The following THSD7B variants were observed in gnomAD, a reference collection of about 807,000 sequenced individuals.
THSD7B encodes thrombospondin type-1 domain-containing protein 7B.
In THSD7B, 138 loss-of-function variants were observed where a neutral mutation model predicts 213.6. The ratio of observed to expected loss-of-function variants is 0.65; its 90% CI spans 0.56 to 0.74. THSD7B has a LOEUF of 0.74. THSD7B is among the 30% of genes least tolerant of loss of function. THSD7B has a pLI of 0.00. For missense variants in THSD7B, 1,931 were observed against 1,991.5 expected (o/e 0.97, Z 0.58); for synonymous variants, 742 against 687.0 (o/e 1.08, Z -1.25).
At chr2:136,794,321 T>C (rs1276545582) in intron 1 of THSD7B, among the ~76,000 whole-genome samples, 1 of 151,814 alleles carries the variant, frequency 6.6e-6, no homozygotes, top group Non-Finnish European at 1.5e-5. Flanking sequence ...ACCTTTATAC[T>C]TTTCTAATAT....
intron 2 of THSD7B, among the ~76,000 whole-genome samples, chr2:137,033,189 G>T (rs540913432): frequency 6.6e-6 from 1 of 152,172 alleles, no homozygotes; most frequent in Non-Finnish European, 1.5e-5. Context: ...AGGTGGTTCT[G>T]CTGATACTGG....
At chr2:137,551,560 G>A (rs958614705) in intron 15 of THSD7B, among the ~76,000 whole-genome samples, 14 of 152,124 alleles carry the variant, frequency 9.2e-5, no homozygotes, top group Admixed American at 8.5e-4. Context: ...GTTCTTAGGC[G>A]AAGGGGAATG....
rs143449326 is a variant in THSD7B at position 137,452,578 on chromosome 2, C to G, written c.3138+1555C>G. Among the ~76,000 whole-genome samples the G allele has an allele frequency of 4.2e-3, 643 of 152,236 alleles. 6 individuals carry two copies. The highest frequency in any genetic ancestry group is 0.015 in the African/African-American group (607 of 41,556). ...ATGATAATTCTTTTTGTATCTTCCTCAAAACCGTCAATGAAAGCTAAGCCT... is the reference window on the plus strand; with the variant it reads ...ATGATAATTCTTTTTGTATCTTCCTGAAAACCGTCAATGAAAGCTAAGCCT... On this transcript the variant is annotated intron_variant, in intron 15 of 27. Transcript: ENST00000409968.
At chr2:137,207,028 A>C (rs13386434) in intron 7 of THSD7B, among the ~76,000 whole-genome samples, 1 of 151,544 alleles carries the variant, frequency 6.6e-6, no homozygotes, top group Non-Finnish European at 1.5e-5. Context: ...GAAAGTTCAG[A>C]GGGGAGAGAG....
chr2:136,890,880 C>T (rs981459259), intron 2 of THSD7B, among the ~76,000 whole-genome samples: 6 of 151,654 alleles, frequency 4.0e-5, no homozygotes, highest in Non-Finnish European at 5.9e-5. Flanking sequence ...ATGCAATTTC[C>T]TCTTCTCTGT....
intron 3 of THSD7B, among the ~76,000 whole-genome samples, chr2:137,080,735 A>G (rs1283128737): frequency 4.6e-5 from 7 of 151,912 alleles, no homozygotes; most frequent in Non-Finnish European, 8.8e-5. Context: ...GGTCTGTTCT[A>G]TAAATAGAAT....
intron 2 of THSD7B, among the ~76,000 whole-genome samples, chr2:136,983,350 G>GACACACACACACACACACACACAC (rs1440218135): frequency 7.5e-5 from 4 of 53,074 alleles, no homozygotes; most frequent in South Asian, 1.0e-3. Context: ...CACACACACA[G>GACACACACACACACACACACACAC]ACACACAGAC....
chr2:136,954,107 C>T (rs1222642998), intron 2 of THSD7B, among the ~76,000 whole-genome samples: 1 of 152,132 alleles, frequency 6.6e-6, no homozygotes, highest in East Asian at 1.9e-4. Flanking sequence ...CCTGTAGTCA[C>T]TGAGTTTGCA....
At chr2:137,466,523 A>G (rs1687994124) in intron 15 of THSD7B, among the ~76,000 whole-genome samples, 1 of 151,940 alleles carries the variant, frequency 6.6e-6, no homozygotes, top group Admixed American at 6.6e-5. Context: ...CTTATCAGCT[A>G]TCATTAGTGT....
At chr2:137,313,179 A>T (rs1188047029) in intron 12 of THSD7B, among the ~76,000 whole-genome samples, 1 of 152,098 alleles carries the variant, frequency 6.6e-6, no homozygotes, top group Non-Finnish European at 1.5e-5. Flanking sequence ...TGCTTTATGA[A>T]TCTGGGTGCT....
At chr2:136,986,500 G>A (rs1685674841) in intron 2 of THSD7B, among the ~76,000 whole-genome samples, 1 of 152,160 alleles carries the variant, frequency 6.6e-6, no homozygotes, top group Non-Finnish European at 1.5e-5. Context: ...CTGGAGCCAT[G>A]CTTGTACAGC....
intron 16 of THSD7B, 27 bp downstream of exon 16, chr2:137,563,381 A>ATT: frequency 6.2e-7 from 1 of 1,610,388 alleles, no homozygotes; most frequent in Non-Finnish European, 8.5e-7. Context: ...AGATTTGGGA[A>ATT]ATAGGGGGAA....
At position 137,465,531 on chromosome 2, in the gene THSD7B, G is replaced by A. The variant is rs117521558; in HGVS notation, c.3138+14508G>A. Among the ~76,000 whole-genome samples the A allele has an allele frequency of 5.3e-5, 8 of 152,148 alleles. No homozygotes were observed. In the East Asian group the frequency reaches 1.6e-3, roughly 29 times the overall value. ...ATAAGACTGAGAATTGCTGTCTAAG[G>A]CAACCCCTTCATTCTGTCAATGAGG... On this transcript the variant is annotated intron_variant, in intron 15 of 27. Coordinates refer to ENST00000409968, the MANE Select transcript of THSD7B (RefSeq NM_001316349.2).
chr2:137,094,509 G>A (rs902347395), intron 3 of THSD7B, among the ~76,000 whole-genome samples: 3 of 151,142 alleles, frequency 2.0e-5, no homozygotes, highest in Non-Finnish European at 4.4e-5. Context: ...GGGAGGCAGA[G>A]GTTGCATCAC....
chr2:137,520,633 C>A (rs1680167342), intron 15 of THSD7B, among the ~76,000 whole-genome samples: 1 of 152,170 alleles, frequency 6.6e-6, no homozygotes, highest in African/African-American at 2.4e-5. Context: ...TAGGAGTGCT[C>A]GTAAGAATGA....
intron 12 of THSD7B, among the ~76,000 whole-genome samples, chr2:137,282,255 G>A (rs1573931657): frequency 6.6e-6 from 1 of 151,942 alleles, no homozygotes; most frequent in Non-Finnish European, 1.5e-5. Context: ...GGGGTTGTTT[G>A]TTTTTTTCTT....
intron 17 of THSD7B, among the ~76,000 whole-genome samples, chr2:137,586,490 T>G (rs1681731546): frequency 6.6e-6 from 1 of 152,340 alleles, no homozygotes; most frequent in East Asian, 1.9e-4. Flanking sequence ...TTCCTTTCCA[T>G]GTTTAGTGCT....
intron 15 of THSD7B, among the ~76,000 whole-genome samples, chr2:137,550,167 G>A (rs1342254708): frequency 6.6e-6 from 1 of 151,892 alleles, no homozygotes; most frequent in South Asian, 2.1e-4. Context: ...GGAACAGAAT[G>A]TGGGCTTTAC....
intron 12 of THSD7B, among the ~76,000 whole-genome samples, chr2:137,399,137 C>T (rs555813324): frequency 1.1e-4 from 16 of 151,946 alleles, no homozygotes; most frequent in East Asian, 3.9e-4. Flanking sequence ...GCGTCACTCT[C>T]GCTGGGAGCT....
Sources: allele counts gnomAD v4.1 joint callset (sites outside exome capture counted in the v4.1 genomes callset), GRCh38; gene constraint gnomAD v4.1.1; transcripts MANE v1.5; gene names NCBI Gene and HGNC (gene_info 2026-07-23, HGNC 2026-07-21).